TMEM232: variants seen among roughly 807,000 people sequenced by gnomAD.
The protein encoded by TMEM232 is transmembrane protein 232.
Under a neutral mutation model 78.8 loss-of-function variants are expected in TMEM232, and 80 were observed. The observed-to-expected ratio is 1.01, with a 90% CI of 0.85 to 1.22. The LOEUF (loss-of-function observed/expected upper bound fraction) is 1.22. Among genes scored for constraint, TMEM232 ranks in the 50% most tolerant of loss-of-function variants. The probability of loss-of-function intolerance (pLI) is 0.00; values close to 1 mark genes in which losing one functional copy is unlikely to be tolerated. For synonymous variants in TMEM232, 297 were observed against 254.3 expected (o/e 1.17, Z -1.60); for missense variants, 881 against 742.2 (o/e 1.19, Z -2.17).
At chr5:110,545,621 A>G (rs1370761743) in intron 11 of TMEM232, among the ~76,000 whole-genome samples, 2 of 152,014 alleles carry the variant, frequency 1.3e-5, no homozygotes, top group Non-Finnish European at 2.9e-5. Context: ...AGGGACTAAT[A>G]CTGTTGTTTC....
chr5:110,519,921 T>C (rs1056973201), intron 12 of TMEM232, among the ~76,000 whole-genome samples: 12 of 150,926 alleles, frequency 8.0e-5, no homozygotes, highest in African/African-American at 2.2e-4. Flanking sequence ...TGAATAAATA[T>C]TGAACTCATG....
intron 12 of TMEM232, among the ~76,000 whole-genome samples, chr5:110,468,480 A>T (rs549852959): frequency 3.3e-4 from 50 of 152,252 alleles, no homozygotes; most frequent in African/African-American, 1.1e-3. Context: ...CTTGCCTTAA[A>T]TAAATTTATA....
In TMEM232 at chr5:110,573,454, GGA is replaced by G. The variant is rs533113446; in HGVS notation, c.1277-4831_1277-4830del. ...GATCAACGCCAAGAAACTAATGGTT[GGA>G]CAAGAACCAGTCAGCCAGCCATGCA... On this transcript the variant is annotated intron_variant, in intron 10 of 13. Transcript: ENST00000455884. 3.0e-3 allele frequency among the ~76,000 whole-genome samples: 461 copies of G among 152,124 alleles called. 3 individuals carry two copies. The highest frequency in any genetic ancestry group is 0.011 in the African/African-American group (438 of 41,534).
At chr5:110,695,158 C>A (rs1794617751) in intron 1 of TMEM232, among the ~76,000 whole-genome samples, 1 of 152,178 alleles carries the variant, frequency 6.6e-6, no homozygotes, top group Admixed American at 6.5e-5. Context: ...TCACTCAAAA[C>A]CACTCAACTA....
intron 11 of TMEM232, among the ~76,000 whole-genome samples, chr5:110,556,120 C>T (rs1775047157): frequency 6.6e-6 from 1 of 152,076 alleles, no homozygotes; most frequent in Non-Finnish European, 1.5e-5. Flanking sequence ...TGCCCAGTAA[C>T]AGTCTTTCAT....
chr5:110,438,823 T>C (rs1758713652), intron 12 of TMEM232, among the ~76,000 whole-genome samples: 1 of 152,108 alleles, frequency 6.6e-6, no homozygotes, highest in Non-Finnish European at 1.5e-5. Flanking sequence ...CCAATTCCAT[T>C]TCATTTCAGT....
At chr5:110,648,111 G>C (rs890481383) in intron 2 of TMEM232, among the ~76,000 whole-genome samples, 10 of 151,880 alleles carry the variant, frequency 6.6e-5, no homozygotes, top group Non-Finnish European at 1.2e-4. Flanking sequence ...CTTAAAAAGG[G>C]AAGTCACAAA....
intron 10 of TMEM232, among the ~76,000 whole-genome samples, chr5:110,602,934 A>G (rs1018486980): frequency 9.2e-5 from 14 of 152,206 alleles, no homozygotes; most frequent in Non-Finnish European, 2.1e-4. Context: ...AATGTGGCAC[A>G]TATACACCAT....
chr5:110,497,974 G>C (rs1423056827), intron 12 of TMEM232, among the ~76,000 whole-genome samples: 2 of 152,080 alleles, frequency 1.3e-5, no homozygotes, highest in East Asian at 3.9e-4. Context: ...GGTCGTACAA[G>C]ACAAAGTGGA....
At chr5:110,738,309 CG>C (rs1249004676), upstream of TMEM232, 1 of 1,216,862 alleles carries the variant, frequency 8.2e-7, no homozygotes, top group African/African-American at 1.6e-5. Context: ...CAATTTTGAA[CG>C]ATATAACTGG....
chr5:110,546,856 C>T (rs984834147), intron 11 of TMEM232, among the ~76,000 whole-genome samples: 7 of 151,528 alleles, frequency 4.6e-5, no homozygotes, highest in East Asian at 1.9e-4. Context: ...TAAGGGATTT[C>T]GGGAATTAGC....
intron 12 of TMEM232, among the ~76,000 whole-genome samples, chr5:110,447,527 A>T (rs1261304578): frequency 6.6e-6 from 1 of 152,150 alleles, no homozygotes; most frequent in East Asian, 1.9e-4. Flanking sequence ...GAAAACCTAC[A>T]AATAACTTCT....
At chr5:110,468,958 A>C (rs1762382148) in intron 12 of TMEM232, among the ~76,000 whole-genome samples, 1 of 152,198 alleles carries the variant, frequency 6.6e-6, no homozygotes, top group African/African-American at 2.4e-5. Flanking sequence ...CCTGGCCTTC[A>C]CTAATTCATC....
intron 2 of TMEM232, among the ~76,000 whole-genome samples, chr5:110,664,574 A>G (rs1790295702): frequency 6.6e-6 from 1 of 152,238 alleles, no homozygotes; most frequent in East Asian, 1.9e-4. Context: ...TATGTGTCAC[A>G]GGCTACTGAG....
At chr5:110,613,291 AT>A (rs1158806270) in intron 8 of TMEM232, among the ~76,000 whole-genome samples, 2 of 152,164 alleles carry the variant, frequency 1.3e-5, no homozygotes, top group Admixed American at 6.6e-5. Context: ...ACTAGAAGTC[AT>A]GCAGGGAGAT....
intron 11 of TMEM232, among the ~76,000 whole-genome samples, chr5:110,561,033 G>T (rs1446579117): frequency 6.6e-6 from 1 of 151,938 alleles, no homozygotes; most frequent in Non-Finnish European, 1.5e-5. Flanking sequence ...AAGAAAAAGT[G>T]GTAAGGAAGT....
chr5:110,692,578 T>C (rs544732410), intron 1 of TMEM232, among the ~76,000 whole-genome samples: 9 of 152,298 alleles, frequency 5.9e-5, no homozygotes, highest in East Asian at 1.9e-4. Context: ...AGATGGCACA[T>C]GGAATATCGG....
At chr5:110,429,073 G>A (rs747497303) in intron 12 of TMEM232, among the ~76,000 whole-genome samples, 1 of 151,706 alleles carries the variant, frequency 6.6e-6, no homozygotes, top group Non-Finnish European at 1.5e-5. Flanking sequence ...TATTAGGAGT[G>A]GGAAAAAATA....
At chr5:110,509,145 T>C (rs2149465013) in intron 12 of TMEM232, among the ~76,000 whole-genome samples, 1 of 151,092 alleles carries the variant, frequency 6.6e-6, no homozygotes, top group African/African-American at 2.4e-5. Context: ...AAAAAAATTT[T>C]TTTGGCTGGT....
Sources: gnomAD v4.1 joint callset for allele counts (sites outside exome capture counted in the v4.1 genomes callset) on GRCh38, gnomAD v4.1.1 for gene constraint, MANE v1.5 for transcripts, NCBI Gene and HGNC (gene_info 2026-07-23, HGNC 2026-07-21) for gene names.